Variants in SLC11A2 observed in about 807,000 individuals in gnomAD.
SLC11A2 encodes the protein natural resistance-associated macrophage protein 2.
Under a neutral mutation model 68.0 loss-of-function variants are expected in SLC11A2, and 38 were observed. That is an observed-to-expected ratio of 0.56 (90% CI 0.43 to 0.73). The LOEUF is 0.73. SLC11A2 is among the 30% of genes least tolerant of loss of function. The pLI is 0.00. For missense variants in SLC11A2, 517 were observed against 690.5 expected, an observed-to-expected ratio of 0.75 and a Z score of 2.82; for synonymous variants, 242 against 250.6, an observed-to-expected ratio of 0.97 and a Z score of 0.32.
intron 1 of SLC11A2, among the ~76,000 whole-genome samples, chr12:51,019,058 T>C (rs1943865630): frequency 6.6e-6 from 1 of 152,136 alleles, no homozygotes; most frequent in South Asian, 2.1e-4. Flanking sequence ...AAGTAACTGA[T>C]GAAATAAATG....
At chr12:51,021,311 A>C (rs1390680295) in intron 1 of SLC11A2, among the ~76,000 whole-genome samples, 7 of 152,048 alleles carry the variant, frequency 4.6e-5, no homozygotes, top group Admixed American at 3.9e-4. Context: ...AAAATTGGAG[A>C]CATCCTATTT....
chr12:50,979,736 A>T (rs1392505823), downstream of SLC11A2: 3 of 399,172 alleles, frequency 7.5e-6, no homozygotes, highest in South Asian at 5.5e-5. Flanking sequence ...ATTTTAGAAA[A>T]ATCCCTGCCT....
chr12:50,974,143 ACAAAGATACTCCTCGAGAAGAGCAACT>A, the SLC11A2 span, among the ~76,000 whole-genome samples: 1 of 152,208 alleles, frequency 6.6e-6, no homozygotes, highest in African/African-American at 2.4e-5. Flanking sequence ...AGAGAATGCC[ACAAAGATACTCCTCGAGAAGAGCAACT>A]CCAAGACACA....
chr12:51,013,196 T>C (rs900302450), intron 1 of SLC11A2, among the ~76,000 whole-genome samples: 5 of 152,270 alleles, frequency 3.3e-5, no homozygotes, highest in African/African-American at 1.2e-4. Context: ...TCCTTCCTTA[T>C]GCGTCAATCA....
downstream of SLC11A2, among the ~76,000 whole-genome samples, chr12:50,977,970 C>T (rs1214971792): frequency 6.6e-6 from 1 of 152,042 alleles, no homozygotes; most frequent in Non-Finnish European, 1.5e-5. Context: ...GTTAGAATGG[C>T]GATCATTAAA....
At chr12:50,970,370 TACA>T in the SLC11A2 span, 3 of 812,062 alleles carry the variant, frequency 3.7e-6, no homozygotes, top group South Asian at 3.1e-5. Context: ...TTCATAAAAA[TACA>T]ACAAGTGGAA....
the SLC11A2 span, among the ~76,000 whole-genome samples, chr12:50,968,099 AAGAAGG>A: frequency 6.8e-6 from 1 of 146,356 alleles, no homozygotes; most frequent in African/African-American, 2.5e-5. Context: ...TAATAAGAAG[AAGAAGG>A]AGGAGGAGGA....
At chr12:50,998,599 T>C (rs1353457413) in intron 8 of SLC11A2, among the ~76,000 whole-genome samples, 1 of 152,132 alleles carries the variant, frequency 6.6e-6, no homozygotes, top group Non-Finnish European at 1.5e-5. Context: ...ATAGATTACA[T>C]ATATTTTTTA....
the SLC11A2 span, among the ~76,000 whole-genome samples, chr12:50,969,014 G>A: frequency 4.6e-5 from 7 of 152,006 alleles, no homozygotes; most frequent in Non-Finnish European, 8.8e-5. Flanking sequence ...GCACAGTTTA[G>A]CTGGGCACGG....
chr12:51,000,725 C>T (rs1304905591), intron 5 of SLC11A2: 6 of 585,740 alleles, frequency 1.0e-5, no homozygotes, highest in Admixed American at 3.2e-5. Context: ...CTAACTTCCA[C>T]TTAATTTCCT....
downstream of SLC11A2, among the ~76,000 whole-genome samples, chr12:50,984,045 C>T (rs1940309517): frequency 6.6e-6 from 1 of 151,742 alleles, no homozygotes; most frequent in Admixed American, 6.6e-5. Flanking sequence ...AGGAGAATTG[C>T]TTGAACCTGG....
intron 1 of SLC11A2, among the ~76,000 whole-genome samples, chr12:51,015,865 A>G (rs1943607751): frequency 6.6e-6 from 1 of 152,212 alleles, no homozygotes; most frequent in African/African-American, 2.4e-5. Flanking sequence ...CTCATGGTTA[A>G]ATGTAATATG....
rs1942602772 is a variant in SLC11A2 at position 51,005,055 on chromosome 12, G to C, written c.310-148C>G. The C allele has an allele frequency of 8.0e-5, 83 of 1,040,800 alleles. 3 individuals carry two copies. In the South Asian group the frequency reaches 1.1e-3, roughly 13 times the overall value. The allele number at this position is 1,040,800 out of a possible 1,614,324, so 64.5% of individuals were successfully genotyped here. On this transcript the variant is annotated intron_variant, in intron 4 of 15. Transcript: ENST00000262052. Reference sequence around the variant, plus strand: ...ATCAAATGACTTGAGTTCTATAACAGATTTTGCACATGACCTGCTAAGTCA... The same window carrying C: ...ATCAAATGACTTGAGTTCTATAACACATTTTGCACATGACCTGCTAAGTCA...
intron 1 of SLC11A2, chr12:51,025,944 G>C: frequency 3.0e-6 from 3 of 998,562 alleles, no homozygotes; most frequent in Non-Finnish European, 3.6e-6. Context: ...GTGCCCGTCG[G>C]CCTCTTTCGA....
chr12:50,962,420 C>T, the SLC11A2 span, among the ~76,000 whole-genome samples: 2 of 150,512 alleles, frequency 1.3e-5, no homozygotes, highest in African/African-American at 4.9e-5. Context: ...TAAAAAAAAG[C>T]CAGGCACGGT....
chr12:51,005,371 G>A lies in SLC11A2; in HGVS notation c.249C>T (p.Ala83=). 1.2e-6 allele frequency: 2 copies of A among 1,613,972 alleles called. No homozygotes were observed. Among genetic ancestry groups the A allele is most frequent in the East Asian group, 4.5e-5 (2 of 44,872 alleles). The change falls in exon 4 of 16, where the codon GCC becomes GCT. Residue 83 remains alanine (A), a synonymous_variant. Coordinates refer to ENST00000262052, the MANE Select transcript of SLC11A2 (RefSeq NM_000617.3). ...FTGPGFLMSI[A]YLDPGNIESD... The stretch of plus-strand genomic sequence containing the variant: ...ATTCAATATTTCCTGGATCCAGGTA[G>A]GCAATGCTCATAAGAAAACCTGGTC...
At chr12:50,963,243 G>A in the SLC11A2 span, among the ~76,000 whole-genome samples, 1 of 151,656 alleles carries the variant, frequency 6.6e-6, no homozygotes, top group Non-Finnish European at 1.5e-5. Context: ...AGTGGTGCAT[G>A]CCTGTAATCC....
chr12:50,993,348 G>A (rs193131288), intron 11 of SLC11A2, among the ~76,000 whole-genome samples: 8 of 152,264 alleles, frequency 5.3e-5, no homozygotes, highest in Non-Finnish European at 8.8e-5. Flanking sequence ...GGATCACAAT[G>A]TAACCAGCAT....
At chr12:50,979,387 C>A (rs780801284), downstream of SLC11A2, 11 of 163,726 alleles carry the variant, frequency 6.7e-5, no homozygotes, top group Non-Finnish European at 1.2e-4. Flanking sequence ...AAGTACTTAA[C>A]CAACCACCTC....
Sources: allele counts gnomAD v4.1 joint callset (sites outside exome capture counted in the v4.1 genomes callset), GRCh38; gene constraint gnomAD v4.1.1; transcripts MANE v1.5; gene names NCBI Gene and HGNC (gene_info 2026-07-23, HGNC 2026-07-21).